Variants in CSMD3 observed in about 807,000 individuals in gnomAD.
CSMD3 encodes the protein CUB and sushi domain-containing protein 3.
CSMD3 carries 177 observed loss-of-function variants against 435.2 expected under a neutral mutation model. The observed-to-expected ratio is 0.41, with a 90% confidence interval of 0.36 to 0.46. The LOEUF is 0.46. Ranked by LOEUF, CSMD3 falls within the 20% of genes least tolerant of loss-of-function variation. The pLI is 0.34. For missense variants in CSMD3, 4,265 were observed against 4,504.6 expected, an observed-to-expected ratio of 0.95 and a Z score of 1.52; for synonymous variants, 1,656 against 1,520.5, an observed-to-expected ratio of 1.09 and a Z score of -2.07.
chr8:112,732,203 A>G (rs1242540232), intron 13 of CSMD3, among the ~76,000 whole-genome samples: 1 of 152,042 alleles, frequency 6.6e-6, no homozygotes, highest in African/African-American at 2.4e-5. Context: ...ACAAGAGAGG[A>G]TTCATGATTA....
At chr8:113,005,066 C>CAT (rs1220195848) in intron 6 of CSMD3, among the ~76,000 whole-genome samples, 2 of 151,464 alleles carry the variant, frequency 1.3e-5, no homozygotes, top group East Asian at 1.9e-4. Flanking sequence ...TATATACACA[C>CAT]ATATATATAG....
chr8:113,073,233 C>G (rs200799615), intron 5 of CSMD3, among the ~76,000 whole-genome samples: 18 of 120,096 alleles, frequency 1.5e-4, no homozygotes, highest in Admixed American at 1.5e-3. Flanking sequence ...TTGGGAGACA[C>G]TTTTTCATGG....
chr8:112,627,388 C>T (rs989921187), intron 22 of CSMD3, among the ~76,000 whole-genome samples: 3 of 152,090 alleles, frequency 2.0e-5, no homozygotes, highest in Admixed American at 1.3e-4. Flanking sequence ...TTTTCTGGCA[C>T]TTTCGTAATT....
At chr8:112,821,689 A>T (rs1198858059) in intron 12 of CSMD3, among the ~76,000 whole-genome samples, 2 of 152,008 alleles carry the variant, frequency 1.3e-5, no homozygotes, top group African/African-American at 4.8e-5. Flanking sequence ...TTTTGTTGCA[A>T]TTGCTTTTGG....
At chr8:112,518,637 A>T (rs1823948881) in intron 27 of CSMD3, among the ~76,000 whole-genome samples, 1 of 151,460 alleles carries the variant, frequency 6.6e-6, no homozygotes, top group African/African-American at 2.4e-5. Flanking sequence ...TGTGAGAGAG[A>T]GAGAGAGAGA....
At chr8:112,987,906 A>G (rs1176859646) in intron 6 of CSMD3, among the ~76,000 whole-genome samples, 2 of 151,990 alleles carry the variant, frequency 1.3e-5, no homozygotes, top group East Asian at 3.9e-4. Flanking sequence ...ATGAAAGTAC[A>G]CCAAATGAAA....
In CSMD3 at chr8:113,031,800, G is replaced by T. The variant is rs545560543; in HGVS notation, c.918-12621C>A. Among the ~76,000 whole-genome samples, 3 of 151,642 alleles carry T rather than the reference G, an allele frequency of 2.0e-5. No homozygotes were observed. In the East Asian group the frequency reaches 5.8e-4, roughly 29 times the overall value. On this transcript the variant is annotated intron_variant, in intron 5 of 70. Coordinates refer to ENST00000297405, the MANE Select transcript of CSMD3 (RefSeq NM_198123.2). ...TATGGGGTTCATATGGTTTGGCTTT[G>T]TGTCCCCACCCAAATCTCATCTTGA...
intron 3 of CSMD3, among the ~76,000 whole-genome samples, chr8:113,177,161 T>C (rs911423169): frequency 1.3e-5 from 2 of 151,878 alleles, no homozygotes; most frequent in Admixed American, 1.3e-4. Context: ...AGACACATTA[T>C]ACTTGTTATC....
chr8:112,658,597 A>C (rs962059448), intron 17 of CSMD3, among the ~76,000 whole-genome samples: 1 of 152,170 alleles, frequency 6.6e-6, no homozygotes, highest in Non-Finnish European at 1.5e-5. Flanking sequence ...TGTTTCAATA[A>C]TATGGTGTAG....
chr8:112,433,579 C>T (rs1291330934), intron 32 of CSMD3, among the ~76,000 whole-genome samples: 1 of 140,584 alleles, frequency 7.1e-6, no homozygotes, highest in African/African-American at 2.6e-5. Flanking sequence ...ATCACTTAAA[C>T]CTGGGTGGTC....
chr8:112,578,875 TCA>T (rs1393936202), intron 23 of CSMD3, among the ~76,000 whole-genome samples: 2 of 152,040 alleles, frequency 1.3e-5, no homozygotes, highest in African/African-American at 4.8e-5. Flanking sequence ...CTAATTTGGC[TCA>T]CACACTGTTG....
intron 10 of CSMD3, among the ~76,000 whole-genome samples, chr8:112,920,963 T>TA (rs2082719045): frequency 7.9e-6 from 1 of 125,798 alleles, no homozygotes. Flanking sequence ...ATACTGGTAT[T>TA]TATATATATA....
intron 1 of CSMD3, among the ~76,000 whole-genome samples, chr8:113,433,522 A>G (rs1172664120): frequency 6.6e-6 from 1 of 152,196 alleles, no homozygotes; most frequent in African/African-American, 2.4e-5. Flanking sequence ...CTGTGGCAGG[A>G]GTAGTATCTC....
chr8:112,398,209 C>G (rs1831015538), intron 35 of CSMD3, among the ~76,000 whole-genome samples: 1 of 152,198 alleles, frequency 6.6e-6, no homozygotes, highest in African/African-American at 2.4e-5. Context: ...GGCCTATGGT[C>G]TCACCTCCTA....
chr8:112,911,638 T>A (rs1392991599), intron 10 of CSMD3, among the ~76,000 whole-genome samples: 1 of 40,452 alleles, frequency 2.5e-5, no homozygotes, highest in Non-Finnish European at 4.1e-5. Context: ...TGTGTACATA[T>A]ATATGTGTGT....
intron 22 of CSMD3, among the ~76,000 whole-genome samples, chr8:112,595,260 T>C (rs943694758): frequency 6.6e-5 from 10 of 151,736 alleles, no homozygotes; most frequent in Admixed American, 5.3e-4. Flanking sequence ...GAAGAAAGGG[T>C]ATCAGCAATG....
chr8:112,303,241 C>G (rs547990493), intron 52 of CSMD3, among the ~76,000 whole-genome samples: 90 of 152,072 alleles, frequency 5.9e-4, no homozygotes, highest in Admixed American at 9.2e-4. Context: ...GGGAAAAAAA[C>G]TTGGAGGACT....
At chr8:112,393,297 C>G (rs943466382) in intron 35 of CSMD3, among the ~76,000 whole-genome samples, 1 of 152,196 alleles carries the variant, frequency 6.6e-6, no homozygotes, top group African/African-American at 2.4e-5. Context: ...GTCCAGCCTT[C>G]TAAACTAATA....
At chr8:113,131,653 G>A (rs1051815936) in intron 4 of CSMD3, among the ~76,000 whole-genome samples, 2 of 152,124 alleles carry the variant, frequency 1.3e-5, no homozygotes, top group Admixed American at 1.3e-4. Flanking sequence ...GGGAAATGTG[G>A]GGTTGGAGAC....
Sources: gnomAD v4.1 joint callset for allele counts (sites outside exome capture counted in the v4.1 genomes callset) on GRCh38, gnomAD v4.1.1 for gene constraint, MANE v1.5 for transcripts, NCBI Gene and HGNC (gene_info 2026-07-23, HGNC 2026-07-21) for gene names.